Variants in NRG3 observed in about 807,000 individuals in gnomAD.
The protein encoded by NRG3 is neuregulin 3.
NRG3 carries 31 observed loss-of-function variants against 66.9 expected under a neutral mutation model. The ratio of observed to expected loss-of-function variants is 0.46; its 90% CI spans 0.35 to 0.63. NRG3 has a LOEUF of 0.63. Among genes scored for constraint, NRG3 ranks in the 20% least tolerant of loss-of-function variants. NRG3 has a pLI of 0.00. For missense variants in NRG3, 910 were observed against 878.9 expected (o/e 1.04, Z -0.45); for synonymous variants, 393 against 359.4 (o/e 1.09, Z -1.06).
chr10:82,137,403 T>C (rs2069450647), intron 1 of NRG3, among the ~76,000 whole-genome samples: 1 of 152,180 alleles, frequency 6.6e-6, no homozygotes, highest in Admixed American at 6.6e-5. Flanking sequence ...AATACTATTA[T>C]TTTAACTGAT....
chr10:82,170,654 GTATATATATATA>G (rs370773918), intron 1 of NRG3, among the ~76,000 whole-genome samples: 1,840 of 74,170 alleles, frequency 0.025, 65 homozygotes, highest in African/African-American at 0.061. Context: ...AAAACTTGTG[GTATATATATATA>G]TATATATATA....
At chr10:82,101,335 A>G (rs1346060071) in intron 1 of NRG3, among the ~76,000 whole-genome samples, 1 of 151,760 alleles carries the variant, frequency 6.6e-6, no homozygotes, top group Non-Finnish European at 1.5e-5. Context: ...TCAACTTATT[A>G]TTGACACCAT....
chr10:82,133,491 T>TA (rs1327917535), intron 1 of NRG3, among the ~76,000 whole-genome samples: 5 of 152,174 alleles, frequency 3.3e-5, no homozygotes, highest in African/African-American at 7.2e-5. Context: ...AGCTCCCACT[T>TA]ATATGTGAGA....
At chr10:82,714,901 A>G (rs2056884514) in intron 2 of NRG3, among the ~76,000 whole-genome samples, 2 of 152,242 alleles carry the variant, frequency 1.3e-5, no homozygotes, top group South Asian at 4.1e-4. Context: ...ACTATGTTTT[A>G]TATTATTTCT....
chr10:82,567,622 C>A lies in NRG3; in HGVS notation c.954-170955C>A, dbSNP rs1475258985. Among the ~76,000 whole-genome samples the A allele has an allele frequency of 3.3e-5, 5 of 152,032 alleles. No homozygotes were observed. The East Asian group carries it at 9.7e-4, about 30-fold the overall frequency. On this transcript the variant is annotated intron_variant, in intron 2 of 8. Coordinates refer to ENST00000372141, the MANE Select transcript of NRG3 (RefSeq NM_001010848.4). Reference sequence around the variant, plus strand: ...TCAGCTAAGGAGATAATATGTGAGACAAATACATATAAATCAATCTCATAT... The same window carrying A: ...TCAGCTAAGGAGATAATATGTGAGAAAAATACATATAAATCAATCTCATAT...
At chr10:82,867,576 T>G (rs1840878682) in intron 4 of NRG3, among the ~76,000 whole-genome samples, 1 of 152,068 alleles carries the variant, frequency 6.6e-6, no homozygotes, top group South Asian at 2.1e-4. Context: ...AGATCTCCAA[T>G]GTTGAAAGTG....
At chr10:82,886,021 G>A (rs1477868822) in intron 4 of NRG3, among the ~76,000 whole-genome samples, 3 of 151,994 alleles carry the variant, frequency 2.0e-5, no homozygotes, top group Non-Finnish European at 4.4e-5. Flanking sequence ...ACATGCATGC[G>A]CCACCACCCC....
chr10:82,739,597 A>G (rs972995424), intron 3 of NRG3, among the ~76,000 whole-genome samples: 5 of 152,234 alleles, frequency 3.3e-5, no homozygotes, highest in East Asian at 1.9e-4. Flanking sequence ...TTCAAAATGC[A>G]TATTTTCATT....
intron 1 of NRG3, among the ~76,000 whole-genome samples, chr10:82,202,236 G>C (rs1589297990): frequency 6.6e-6 from 1 of 152,310 alleles, no homozygotes; most frequent in East Asian, 1.9e-4. Context: ...GGGATCTGGA[G>C]ATCTCTGCTG....
chr10:82,066,334 T>A (rs1388033967), intron 1 of NRG3, among the ~76,000 whole-genome samples: 1 of 152,202 alleles, frequency 6.6e-6, no homozygotes, highest in African/African-American at 2.4e-5. Context: ...ATGCATAAAT[T>A]ACCTTTTCAA....
At chr10:82,038,124 A>C (rs901106144) in intron 1 of NRG3, among the ~76,000 whole-genome samples, 3 of 152,182 alleles carry the variant, frequency 2.0e-5, no homozygotes, top group African/African-American at 4.8e-5. Flanking sequence ...TTAATCTTTC[A>C]CTAATTGTTT....
At chr10:82,291,711 A>G (rs2079760155) in intron 1 of NRG3, among the ~76,000 whole-genome samples, 1 of 152,206 alleles carries the variant, frequency 6.6e-6, no homozygotes, top group Non-Finnish European at 1.5e-5. Context: ...TGCATGCAGG[A>G]TACAAGTTTC....
chr10:81,987,830 A>G (rs946699118), intron 1 of NRG3, among the ~76,000 whole-genome samples: 2 of 152,184 alleles, frequency 1.3e-5, no homozygotes, highest in Non-Finnish European at 2.9e-5. Flanking sequence ...TAAGTGAAAA[A>G]TGTTTGTTTT....
intron 1 of NRG3, among the ~76,000 whole-genome samples, chr10:82,322,516 A>G (rs767262721): frequency 8.2e-4 from 125 of 152,284 alleles, no homozygotes; most frequent in Admixed American, 1.6e-3. Flanking sequence ...ATTTTATTAA[A>G]AGGATTATGT....
At chr10:82,265,041 T>C (rs2078224742) in intron 1 of NRG3, among the ~76,000 whole-genome samples, 1 of 151,802 alleles carries the variant, frequency 6.6e-6, no homozygotes, top group African/African-American at 2.4e-5. Flanking sequence ...GTTAACTAGG[T>C]GAGAATGAGG....
chr10:82,491,317 A>ATATATATATATATAT (rs1564985027), intron 2 of NRG3, among the ~76,000 whole-genome samples: 5 of 33,000 alleles, frequency 1.5e-4, no homozygotes, highest in African/African-American at 2.9e-4. Context: ...TATATATATA[A>ATATATATATATATAT]AATAAAGATG....
chr10:81,996,205 T>A (rs1353418415), intron 1 of NRG3, among the ~76,000 whole-genome samples: 2 of 152,190 alleles, frequency 1.3e-5, no homozygotes, highest in Non-Finnish European at 2.9e-5. Context: ...TGTCAGAACA[T>A]TCTGTCTATT....
intron 2 of NRG3, among the ~76,000 whole-genome samples, chr10:82,496,710 T>G (rs1019113030): frequency 3.3e-5 from 5 of 152,172 alleles, no homozygotes; most frequent in African/African-American, 1.2e-4. Context: ...ACTAAACTTT[T>G]CCTCCCATTG....
intron 2 of NRG3, among the ~76,000 whole-genome samples, chr10:82,597,080 C>G (rs1267145630): frequency 1.3e-5 from 2 of 151,996 alleles, no homozygotes; most frequent in Admixed American, 1.3e-4. Flanking sequence ...TTAACAAAAC[C>G]AATTTTCAGT....
Sources: gnomAD v4.1 joint callset for allele counts (sites outside exome capture counted in the v4.1 genomes callset) on GRCh38, gnomAD v4.1.1 for gene constraint, MANE v1.5 for transcripts, NCBI Gene and HGNC (gene_info 2026-07-23, HGNC 2026-07-21) for gene names.